The following ZC2HC1A variants were observed in gnomAD, a reference collection of about 807,000 sequenced individuals.
ZC2HC1A encodes zinc finger C2HC-type containing 1A.
Under a neutral mutation model 40.7 loss-of-function variants are expected in ZC2HC1A, and 28 were observed. The observed-to-expected ratio is 0.69, with a 90% CI of 0.51 to 0.94. The LOEUF (loss-of-function observed/expected upper bound fraction) is 0.94. Ranked by LOEUF, ZC2HC1A falls within the 40% of genes least tolerant of loss-of-function variation. ZC2HC1A has a pLI of 0.00. For synonymous variants in ZC2HC1A, 129 were observed against 129.2 expected (o/e 1.00, Z 0.01); for missense variants, 389 against 386.3 (o/e 1.01, Z -0.06).
Position 78,678,568 on chromosome 8 carries a change from A to T in ZC2HC1A, c.99A>T (p.Lys33Asn), listed in dbSNP as rs1420259001. The change falls in exon 3 of 9, where the codon AAA (lysine) becomes AAT (asparagine). Residue 33 changes from lysine to asparagine, a missense_variant. Lys to Asn is a moderately conservative substitution (Grantham distance 94, BLOSUM62 0). Transcript: ENST00000263849. ...GCATTTCTTTATCTTAACAGAAAAA[A>T]CATGGACCCATTTGCCAGAAGACTG... ...GRTFFPVALK[K>N]HGPICQKTAT... 6.2e-7 allele frequency: 1 copy of T among 1,608,902 alleles called. No homozygotes were observed. The highest frequency in any genetic ancestry group is 8.5e-7 in the Non-Finnish European group (1 of 1,178,216).
chr8:78,679,589 A>G (rs1054560334), intron 3 of ZC2HC1A, among the ~76,000 whole-genome samples: 17 of 152,172 alleles, frequency 1.1e-4, no homozygotes, highest in African/African-American at 3.9e-4. Flanking sequence ...AGTAAGGGCC[A>G]ACTGTGTATT....
At chr8:78,698,021 A>G (rs1810487035) in intron 6 of ZC2HC1A, among the ~76,000 whole-genome samples, 1 of 151,950 alleles carries the variant, frequency 6.6e-6, no homozygotes, top group Admixed American at 6.6e-5. Context: ...TTGGCCCCAG[A>G]TGTTGTTATT....
chr8:78,698,302 T>A (rs1810496086), intron 6 of ZC2HC1A, 112 bp from the exon 7 acceptor site: 1 of 855,114 alleles, frequency 1.2e-6, no homozygotes, highest in Non-Finnish European at 1.7e-6. Flanking sequence ...CAATGAAAAC[T>A]TGATTTATAG....
chr8:78,711,672 T>C (rs1041060334), intron 7 of ZC2HC1A, among the ~76,000 whole-genome samples: 1 of 152,136 alleles, frequency 6.6e-6, no homozygotes, highest in East Asian at 1.9e-4. Context: ...AGTTCACTTA[T>C]AGCTTCATGA....
At chr8:78,695,414 T>G (rs933069926) in intron 5 of ZC2HC1A, among the ~76,000 whole-genome samples, 3 of 152,208 alleles carry the variant, frequency 2.0e-5, no homozygotes. Context: ...TCTGCCTGTT[T>G]CCTGCCTAAA....
Position 78,706,468 on chromosome 8 carries a change from G to A in ZC2HC1A, c.704+7955G>A, listed in dbSNP as rs549358387. On this transcript the variant is annotated intron_variant, in intron 7 of 8. Coordinates refer to ENST00000263849, the MANE Select transcript of ZC2HC1A (RefSeq NM_016010.3). ...TCTAGTGGAGTGGCTTCACAAGGGCGTCTCTTGACCCAAGGGTTGCAAAGA... is the reference window on the plus strand; with the variant it reads ...TCTAGTGGAGTGGCTTCACAAGGGCATCTCTTGACCCAAGGGTTGCAAAGA... 8.5e-5 allele frequency among the ~76,000 whole-genome samples: 13 copies of A among 152,216 alleles called. No homozygotes were observed. The East Asian group carries it at 9.7e-4, about 11-fold the overall frequency.
At chr8:78,675,418 G>A (rs1015424726) in intron 1 of ZC2HC1A, among the ~76,000 whole-genome samples, 2 of 151,778 alleles carry the variant, frequency 1.3e-5, no homozygotes, top group African/African-American at 4.8e-5. Context: ...ATTTCTTCAT[G>A]CCTTGGAAAT....
rs1420259001 is a variant in ZC2HC1A at position 78,678,568 on chromosome 8, A to C, written c.99A>C (p.Lys33Asn). Residue 33 changes from lysine (K) to asparagine (N), a missense_variant, in exon 3 of 9, where the codon AAA (lysine) becomes AAC (asparagine). By Grantham distance (94) the Lys-to-Asn change is moderately conservative (BLOSUM62 0). Coordinates refer to ENST00000263849, the MANE Select transcript of ZC2HC1A (RefSeq NM_016010.3). Reference sequence around the variant, plus strand: ...GCATTTCTTTATCTTAACAGAAAAAACATGGACCCATTTGCCAGAAGACTG... The same window carrying C: ...GCATTTCTTTATCTTAACAGAAAAACCATGGACCCATTTGCCAGAAGACTG... ...GRTFFPVALK[K>N]HGPICQKTAT... is the part of the protein sequence containing the mutation. 6.2e-7 allele frequency: 1 copy of C among 1,608,902 alleles called. No individual in the cohort carries two copies. Among genetic ancestry groups the C allele is most frequent in the Non-Finnish European group, 8.5e-7 (1 of 1,178,216 alleles).
chr8:78,698,948 G>A (rs901940461), intron 7 of ZC2HC1A, among the ~76,000 whole-genome samples: 8 of 152,034 alleles, frequency 5.3e-5, no homozygotes, highest in South Asian at 2.1e-4. Flanking sequence ...AAAGTTAGAC[G>A]CAATATATAA....
At position 78,719,160 on chromosome 8, in the gene ZC2HC1A, C is replaced by T. The variant is rs1811189737; in HGVS notation, c.*1667C>T. ...GCATATATTAGATTTCCATTTAAAT[C>T]ACTTCTGTTATAAATCATATAAAGA... is the stretch of plus-strand genomic sequence containing the variant. On this transcript the variant is annotated 3_prime_UTR_variant, in exon 9 of 9. Coordinates refer to ENST00000263849, the MANE Select transcript of ZC2HC1A (RefSeq NM_016010.3). 1 of 151,696 alleles carries T rather than the reference C, an allele frequency of 6.6e-6. No homozygotes were observed. The highest frequency in any genetic ancestry group is 2.1e-4 in the South Asian group (1 of 4,830). The allele number at this position is 151,696 out of a possible 1,614,324, so 9.4% of individuals were successfully genotyped here. A position where few individuals can be genotyped will look rare whatever the true frequency, so the allele number is the denominator to read the frequency against.
rs548986881 is a variant in ZC2HC1A, at chr8:78,701,687, A to T, written c.704+3174A>T. Among the ~76,000 whole-genome samples the T allele has an allele frequency of 9.7e-4, 147 of 152,320 alleles. No individual in the cohort carries two copies. In the Middle Eastern group the frequency reaches 0.02, roughly 21 times the overall value. Reference sequence around the variant, plus strand: ...TTCCTGCAATACCTAGTTTATTGAGAGTTTTTAACGTGAAGGGATGTTGAA... The same window carrying T: ...TTCCTGCAATACCTAGTTTATTGAGTGTTTTTAACGTGAAGGGATGTTGAA... On this transcript the variant is annotated intron_variant, in intron 7 of 8. Transcript: ENST00000263849.
intron 4 of ZC2HC1A, among the ~76,000 whole-genome samples, chr8:78,688,027 A>T (rs1469531834): frequency 6.7e-6 from 1 of 149,072 alleles, no homozygotes; most frequent in Non-Finnish European, 1.5e-5. Flanking sequence ...TGTTTCCGTA[A>T]AACTTCATTT....
chr8:78,681,901 C>CTTTTT (rs56181953), intron 3 of ZC2HC1A, among the ~76,000 whole-genome samples: 22 of 126,456 alleles, frequency 1.7e-4, no homozygotes, highest in Non-Finnish European at 2.0e-4. Context: ...CTTTTTCTTT[C>CTTTTT]TTTTTTTTTT....
At chr8:78,702,471 C>T (rs187321494) in intron 7 of ZC2HC1A, among the ~76,000 whole-genome samples, 1 of 152,144 alleles carries the variant, frequency 6.6e-6, no homozygotes, top group East Asian at 1.9e-4. Flanking sequence ...TTCAGTTTAG[C>T]TCTGATTTTG....
rs1349662955 is a variant in ZC2HC1A, at chr8:78,697,388, T to G, written c.505-19T>G. 2 of 1,556,430 alleles carry G rather than the reference T, an allele frequency of 1.3e-6. No homozygotes were observed. The highest frequency in any genetic ancestry group is 1.7e-6 in the Non-Finnish European group (2 of 1,148,474). ...ATCAAAAAGTGATGTTGATTAATAT[T>G]TTTTTTCCATTATTTTAGTATAAGC... On this transcript the variant is annotated intron_variant, in intron 5 of 8. Coordinates refer to ENST00000263849, the MANE Select transcript of ZC2HC1A (RefSeq NM_016010.3).
At position 78,679,513 on chromosome 8, in the gene ZC2HC1A, A is replaced by C. The variant is rs139769435; in HGVS notation, c.210+834A>C. The stretch of plus-strand genomic sequence containing the variant: ...TATATGGTTATTTATTTTTTTCCTG[A>C]AAGTTTCTGATTCATGGTTGACTGA... On this transcript the variant is annotated intron_variant, in intron 3 of 8. Transcript: ENST00000263849. The C allele has an allele frequency of 6.6e-3, 998 of 152,182 alleles. 12 individuals are homozygous for C. Among genetic ancestry groups the C allele is most frequent in the African/African-American group, 0.022 (905 of 41,544 alleles). The allele number at this position is 152,182 out of a possible 1,614,324, so 9.4% of individuals were successfully genotyped here. A position where few individuals can be genotyped will look rare whatever the true frequency, so the allele number is the denominator to read the frequency against.
chr8:78,687,802 AT>A (rs1483967096), intron 4 of ZC2HC1A, among the ~76,000 whole-genome samples: 7 of 136,268 alleles, frequency 5.1e-5, no homozygotes, highest in African/African-American at 1.6e-4. Flanking sequence ...CATTATATAT[AT>A]TCATGTAATA....
At chr8:78,692,217 G>T (rs1309699922) in intron 5 of ZC2HC1A, among the ~76,000 whole-genome samples, 1 of 151,948 alleles carries the variant, frequency 6.6e-6, no homozygotes, top group African/African-American at 2.4e-5. Context: ...TTTAGCCTCT[G>T]GTACTACCAT....
At chr8:78,697,995 T>G (rs112823821) in intron 6 of ZC2HC1A, among the ~76,000 whole-genome samples, 1 of 152,156 alleles carries the variant, frequency 6.6e-6, no homozygotes, top group African/African-American at 2.4e-5. Flanking sequence ...TTTTGTTGTT[T>G]TTTTCAGCTT....
Sources: allele counts gnomAD v4.1 joint callset (sites outside exome capture counted in the v4.1 genomes callset), GRCh38; gene constraint gnomAD v4.1.1; transcripts MANE v1.5; gene names NCBI Gene and HGNC (gene_info 2026-07-23, HGNC 2026-07-21).